SLC24A2: variants seen among roughly 807,000 people sequenced by gnomAD.
The protein encoded by SLC24A2 is solute carrier family 24 member 2, also known as sodium/potassium/calcium exchanger 2.
SLC24A2 carries 36 observed loss-of-function variants against 62.0 expected under a neutral mutation model. The observed-to-expected ratio is 0.58, with a 90% CI of 0.44 to 0.77. The LOEUF is 0.77. SLC24A2 is among the 30% of genes least tolerant of loss of function. SLC24A2 has a pLI of 0.00. For synonymous variants in SLC24A2, 358 were observed against 294.0 expected (o/e 1.22, Z -2.23); for missense variants, 846 against 817.9 (o/e 1.03, Z -0.42).
chr9:20,034,548 AC>A, the SLC24A2 span, among the ~76,000 whole-genome samples: 1 of 128,568 alleles, frequency 7.8e-6, no homozygotes, highest in South Asian at 2.6e-4. Flanking sequence ...CAAGCTCTGC[AC>A]CCCCCACCCC....
chr9:19,534,322 C>T (rs1004698313), intron 8 of SLC24A2, among the ~76,000 whole-genome samples: 2 of 152,092 alleles, frequency 1.3e-5, no homozygotes, highest in Admixed American at 1.3e-4. Context: ...ACTTAGAGTG[C>T]CTTAACAATA....
At chr9:19,919,625 C>T in the SLC24A2 span, among the ~76,000 whole-genome samples, 1 of 152,064 alleles carries the variant, frequency 6.6e-6, no homozygotes, top group Non-Finnish European at 1.5e-5. Context: ...TGAAGAAATA[C>T]CTGAGACTGG....
Position 19,691,039 on chromosome 9 carries a change from T to C in SLC24A2, c.931-68740A>G, listed in dbSNP as rs549162294. On this transcript the variant is annotated intron_variant, in intron 2 of 10. Transcript: ENST00000341998. ...ATAATTAGTTAAATAATGAAAACCT[T>C]TGAAGCTGCCCAAGATAATTTCAGG... 1.1e-3 allele frequency among the ~76,000 whole-genome samples: 167 copies of C among 152,198 alleles called. 1 individual carries two copies. The highest frequency in any genetic ancestry group is 3.8e-3 in the African/African-American group (156 of 41,542).
chr9:20,283,086 G>A, the SLC24A2 span, among the ~76,000 whole-genome samples: 2 of 152,114 alleles, frequency 1.3e-5, no homozygotes, highest in African/African-American at 2.4e-5. Flanking sequence ...CAAGAGAGAG[G>A]GCCATCTGCT....
chr9:20,249,519 A>G, the SLC24A2 span, among the ~76,000 whole-genome samples: 1 of 152,116 alleles, frequency 6.6e-6, no homozygotes. Flanking sequence ...AGCCTGGTCA[A>G]CATGATGAAA....
intron 2 of SLC24A2, among the ~76,000 whole-genome samples, chr9:19,735,431 T>C (rs1190139571): frequency 6.6e-6 from 1 of 152,010 alleles, no homozygotes; most frequent in African/African-American, 2.4e-5. Flanking sequence ...AGTTCAACCA[T>C]TGTGGAAGTC....
intron 8 of SLC24A2, among the ~76,000 whole-genome samples, chr9:19,532,789 A>G (rs982018188): frequency 1.3e-5 from 2 of 152,214 alleles, no homozygotes; most frequent in African/African-American, 2.4e-5. Flanking sequence ...TGATGAATCA[A>G]TGAATAATAG....
intron 2 of SLC24A2, among the ~76,000 whole-genome samples, chr9:19,750,001 G>A (rs911611429): frequency 6.6e-6 from 1 of 152,308 alleles, no homozygotes; most frequent in African/African-American, 2.4e-5. Flanking sequence ...ATGCCTGCTA[G>A]ACCCTCCAGG....
intron 2 of SLC24A2, among the ~76,000 whole-genome samples, chr9:19,692,360 T>C (rs925537721): frequency 6.6e-6 from 1 of 152,132 alleles, no homozygotes; most frequent in Non-Finnish European, 1.5e-5. Flanking sequence ...ACACTAATAA[T>C]GACCTCACTA....
the SLC24A2 span, among the ~76,000 whole-genome samples, chr9:20,150,123 G>A: frequency 6.6e-6 from 1 of 152,040 alleles, no homozygotes; most frequent in South Asian, 2.1e-4. Flanking sequence ...TTATGAATGG[G>A]TGAAGTACCC....
At chr9:19,714,462 T>C (rs964734949) in intron 2 of SLC24A2, among the ~76,000 whole-genome samples, 1 of 140,858 alleles carries the variant, frequency 7.1e-6, no homozygotes, top group Non-Finnish European at 1.6e-5. Context: ...ATAAAATAAA[T>C]CGCCATCTTT....
the SLC24A2 span, among the ~76,000 whole-genome samples, chr9:19,871,345 T>G: frequency 3.3e-3 from 504 of 152,336 alleles, 1 homozygote; most frequent in African/African-American, 0.012. Context: ...ATTCTTCTTA[T>G]GTTGATGGTA....
At chr9:19,821,472 T>G in the SLC24A2 span, among the ~76,000 whole-genome samples, 1 of 152,098 alleles carries the variant, frequency 6.6e-6, no homozygotes, top group Non-Finnish European at 1.5e-5. Context: ...CCTGTGATCT[T>G]GAAAGATACA....
the SLC24A2 span, among the ~76,000 whole-genome samples, chr9:19,844,215 A>C: frequency 2.6e-5 from 4 of 152,290 alleles, no homozygotes; most frequent in Middle Eastern, 6.8e-3. Context: ...AACGATAGCC[A>C]TTCTGATTGG....
chr9:19,942,712 G>C, the SLC24A2 span, among the ~76,000 whole-genome samples: 6 of 152,106 alleles, frequency 3.9e-5, no homozygotes, highest in Non-Finnish European at 8.8e-5. Context: ...ATGTCTACGT[G>C]GCACTGTGCC....
intron 2 of SLC24A2, among the ~76,000 whole-genome samples, chr9:19,761,273 C>A (rs1216871998): frequency 6.6e-6 from 1 of 152,004 alleles, no homozygotes; most frequent in African/African-American, 2.4e-5. Context: ...TACACTCCCA[C>A]CAACAGTGTA....
At chr9:19,869,668 G>T in the SLC24A2 span, among the ~76,000 whole-genome samples, 3 of 152,042 alleles carry the variant, frequency 2.0e-5, no homozygotes, top group African/African-American at 7.2e-5. Flanking sequence ...AATTAAAAAA[G>T]CTGTGTCCTT....
chr9:19,692,353 C>G (rs1453309043), intron 2 of SLC24A2, among the ~76,000 whole-genome samples: 1 of 152,054 alleles, frequency 6.6e-6, no homozygotes, highest in Admixed American at 6.6e-5. Flanking sequence ...TTTACAGACA[C>G]TAATAATGAC....
chr9:20,177,330 G>A, the SLC24A2 span, among the ~76,000 whole-genome samples: 3 of 151,882 alleles, frequency 2.0e-5, no homozygotes, highest in Non-Finnish European at 4.4e-5. Context: ...TATTTACTTC[G>A]CCTTTTTTCC....
Sources: gnomAD v4.1 joint callset for allele counts (sites outside exome capture counted in the v4.1 genomes callset) on GRCh38, gnomAD v4.1.1 for gene constraint, MANE v1.5 for transcripts, NCBI Gene and HGNC (gene_info 2026-07-23, HGNC 2026-07-21) for gene names.